CBR4: variants seen among roughly 807,000 people sequenced by gnomAD.
CBR4 encodes the protein 3-oxoacyl-[acyl-carrier-protein] reductase.
Under a neutral mutation model 21.0 loss-of-function variants are expected in CBR4, and 22 were observed. The ratio of observed to expected loss-of-function variants is 1.05; its 90% CI spans 0.75 to 1.50. CBR4 has a LOEUF of 1.50. Among genes scored for constraint, CBR4 ranks in the 40% most tolerant of loss-of-function variants. CBR4 has a pLI of 0.00. For synonymous variants in CBR4, 100 were observed against 104.4 expected, an observed-to-expected ratio of 0.96 and a Z score of 0.26; for missense variants, 302 against 286.3, an observed-to-expected ratio of 1.05 and a Z score of -0.40.
At chr4:168,910,746 G>C (rs1007997692) in intron 2 of CBR4, among the ~76,000 whole-genome samples, 1 of 152,154 alleles carries the variant, frequency 6.6e-6, no homozygotes, top group African/African-American at 2.4e-5. Flanking sequence ...TCACCTGTAA[G>C]GGACAGCAGA....
chr4:168,974,725 A>G (rs916109864), intron 2 of CBR4, among the ~76,000 whole-genome samples: 1 of 151,914 alleles, frequency 6.6e-6, no homozygotes, highest in Admixed American at 6.5e-5. Flanking sequence ...TTAGCATTTC[A>G]CTAAGTGTCT....
rs185646548 is a variant in CBR4, at chr4:168,927,174, A to G, written n.170-32409T>C. The G allele has an allele frequency of 1.7e-4, 40 of 229,774 alleles. 2 individuals carry two copies. The East Asian group carries it at 2.3e-3, about 13-fold the overall frequency. The allele number at this position is 229,774 out of a possible 1,614,324, so 14.2% of individuals were successfully genotyped here. ...CAAACCACCCAAATGACCAAGGCATATATAGTATTTGGAGGAATCAGGGGT... is the reference window on the plus strand; with the variant it reads ...CAAACCACCCAAATGACCAAGGCATGTATAGTATTTGGAGGAATCAGGGGT... On this transcript the variant is annotated intron_variant and non_coding_transcript_variant, in intron 2 of 3. Coordinates refer to the CBR4 transcript ENST00000509108.
chr4:168,905,138 GTTTTTTTTTTTT>G (rs777740588), intron 2 of CBR4, among the ~76,000 whole-genome samples: 29 of 34,524 alleles, frequency 8.4e-4, no homozygotes, highest in African/African-American at 2.2e-3. Context: ...TGTTTTGTTG[GTTTTTTTTTTTT>G]TTTTTTTTTT....
intron 2 of CBR4, among the ~76,000 whole-genome samples, chr4:168,918,770 G>T (rs1760793427): frequency 6.6e-6 from 1 of 151,996 alleles, no homozygotes. Flanking sequence ...AAAATAATGT[G>T]CAGAATTACA....
chr4:168,960,074 T>G (rs963556268), intron 2 of CBR4, among the ~76,000 whole-genome samples: 2 of 152,166 alleles, frequency 1.3e-5, no homozygotes, highest in African/African-American at 4.8e-5. Flanking sequence ...TTCTGTTAAA[T>G]GTATTCCTAA....
intron 2 of CBR4, among the ~76,000 whole-genome samples, chr4:168,968,659 C>T (rs1017429640): frequency 3.3e-5 from 5 of 152,170 alleles, no homozygotes; most frequent in Non-Finnish European, 7.4e-5. Context: ...TTTACCATCA[C>T]CTAGCACATT....
At chr4:168,973,107 C>T (rs1465124665) in intron 2 of CBR4, among the ~76,000 whole-genome samples, 4 of 152,146 alleles carry the variant, frequency 2.6e-5, no homozygotes, top group African/African-American at 4.8e-5. Flanking sequence ...ACCAACCTTG[C>T]GTCCCCATCA....
At chr4:168,911,026 A>G (rs1758838632) in intron 2 of CBR4, among the ~76,000 whole-genome samples, 1 of 152,356 alleles carries the variant, frequency 6.6e-6, no homozygotes, top group African/African-American at 2.4e-5. Context: ...AGTACCAGCT[A>G]TGAGGAATTT....
At chr4:169,003,989 A>C (rs1252283644) in intron 3 of CBR4, among the ~76,000 whole-genome samples, 1 of 152,192 alleles carries the variant, frequency 6.6e-6, no homozygotes, top group African/African-American at 2.4e-5. Context: ...AGATATACCT[A>C]ACGCTAGATG....
At chr4:169,008,113 C>CT (rs1731076501) in intron 1 of CBR4, among the ~76,000 whole-genome samples, 1 of 152,074 alleles carries the variant, frequency 6.6e-6, no homozygotes, top group African/African-American at 2.4e-5. Context: ...TTTTATATTC[C>CT]TTTTTTGAAA....
chr4:168,907,658 C>G (rs191963891), intron 2 of CBR4, among the ~76,000 whole-genome samples: 1 of 152,196 alleles, frequency 6.6e-6, no homozygotes, highest in African/African-American at 2.4e-5. Flanking sequence ...CCCCAGAATT[C>G]TCTGCTTTGC....
At chr4:168,905,976 G>T in intron 2 of CBR4, among the ~76,000 whole-genome samples, 1 of 151,538 alleles carries the variant, frequency 6.6e-6, no homozygotes. Context: ...TTCACCTCAG[G>T]TGATCCACCT....
intron 2 of CBR4, among the ~76,000 whole-genome samples, chr4:168,922,279 C>G (rs568515861): frequency 6.6e-6 from 1 of 151,958 alleles, no homozygotes; most frequent in Non-Finnish European, 1.5e-5. Context: ...CTTTGAGAAG[C>G]CTAAAAGGAA....
chr4:168,989,607 T>C lies in CBR4; in HGVS notation c.*543A>G. The C allele has an allele frequency of 1.0e-6, 1 of 985,350 alleles. No homozygotes were observed. The highest frequency in any genetic ancestry group is 1.2e-6 in the Non-Finnish European group (1 of 829,828). The allele number at this position is 985,350 out of a possible 1,614,324, so 61.0% of individuals were successfully genotyped here. The stretch of plus-strand genomic sequence containing the variant: ...AATCAGTGTCCTCTAAATACTCTTA[T>C]TTTGGCAACAGCCCACAAGGTTAAC... On this transcript the variant is annotated 3_prime_UTR_variant, in exon 5 of 5. Transcript: ENST00000306193.
chr4:168,955,181 T>C (rs1560961364), intron 2 of CBR4, among the ~76,000 whole-genome samples: 1 of 152,220 alleles, frequency 6.6e-6, no homozygotes, highest in Non-Finnish European at 1.5e-5. Flanking sequence ...TATGCTTGCA[T>C]ACAGCAATGT....
chr4:168,970,230 AATTTT>A (rs1764163982), intron 2 of CBR4, among the ~76,000 whole-genome samples: 1 of 152,178 alleles, frequency 6.6e-6, no homozygotes, highest in East Asian at 1.9e-4. Context: ...AAAAGGACTT[AATTTT>A]AATATAGTCA....
chr4:168,978,914 C>T (rs1349249641), intron 2 of CBR4, among the ~76,000 whole-genome samples: 1 of 152,076 alleles, frequency 6.6e-6, no homozygotes, highest in Admixed American at 6.6e-5. Flanking sequence ...CTGGTAGCAG[C>T]TCTGCAATTC....
intron 2 of CBR4, among the ~76,000 whole-genome samples, chr4:168,897,610 C>T (rs987098749): frequency 6.6e-6 from 1 of 152,068 alleles, no homozygotes; most frequent in African/African-American, 2.4e-5. Flanking sequence ...CCATGCCCAG[C>T]TACTGTTCTT....
Position 168,988,555 on chromosome 4 carries a change from A to G in CBR4, c.*1595T>C. 1 of 985,426 alleles carries G rather than the reference A, an allele frequency of 1.0e-6. No homozygotes were observed. Among genetic ancestry groups the G allele is most frequent in the East Asian group, 1.1e-4 (1 of 8,818 alleles). The allele number at this position is 985,426 out of a possible 1,614,324, so 61.0% of individuals were successfully genotyped here. A position where few individuals can be genotyped will look rare whatever the true frequency, so the allele number is the denominator to read the frequency against. On this transcript the variant is annotated 3_prime_UTR_variant, in exon 5 of 5. Coordinates refer to ENST00000306193, the MANE Select transcript of CBR4 (RefSeq NM_032783.5). Reference sequence around the variant, plus strand: ...AGAAACTATCTACTATGTCTGAATAAGCTCCCCTACCTTACAAGCATCAAC... The same window carrying G: ...AGAAACTATCTACTATGTCTGAATAGGCTCCCCTACCTTACAAGCATCAAC...
Sources: gnomAD v4.1 joint callset for allele counts (sites outside exome capture counted in the v4.1 genomes callset) on GRCh38, gnomAD v4.1.1 for gene constraint, MANE v1.5 for transcripts, NCBI Gene and HGNC (gene_info 2026-07-23, HGNC 2026-07-21) for gene names.